Variants in WDR27 observed in about 807,000 individuals in gnomAD.
WDR27 encodes WD repeat domain 27.
In WDR27, 100 loss-of-function variants were observed where a neutral mutation model predicts 114.4. That is an observed-to-expected ratio of 0.87 (90% CI 0.74 to 1.03). The LOEUF is 1.03. Among genes scored for constraint, WDR27 ranks in the 50% least tolerant of loss-of-function variants. WDR27 has a pLI of 0.00. For missense variants in WDR27, 1,129 were observed against 1,092.9 expected, an observed-to-expected ratio of 1.03 and a Z score of -0.47; for synonymous variants, 449 against 423.1, an observed-to-expected ratio of 1.06 and a Z score of -0.75.
At chr6:169,588,260 T>C (rs1400547091) in intron 23 of WDR27, among the ~76,000 whole-genome samples, 1 of 152,220 alleles carries the variant, frequency 6.6e-6, no homozygotes, top group Non-Finnish European at 1.5e-5. Flanking sequence ...GATGATTTCA[T>C]ACAGCATTTC....
chr6:169,510,005 A>C (rs914028641), intron 25 of WDR27, among the ~76,000 whole-genome samples: 4 of 152,268 alleles, frequency 2.6e-5, no homozygotes, highest in Non-Finnish European at 5.9e-5. Context: ...GAAGACATTT[A>C]TGCAGCCAAA....
intron 25 of WDR27, among the ~76,000 whole-genome samples, chr6:169,554,439 A>G: frequency 6.6e-6 from 1 of 152,220 alleles, no homozygotes; most frequent in Non-Finnish European, 1.5e-5. Flanking sequence ...GCTACGATTC[A>G]TGGCCCTGCT....
intron 25 of WDR27, among the ~76,000 whole-genome samples, chr6:169,537,673 A>C (rs886436618): frequency 1.3e-5 from 2 of 152,150 alleles, no homozygotes; most frequent in Non-Finnish European, 2.9e-5. Flanking sequence ...GGTAGAATGA[A>C]CCACCATGGG....
intron 25 of WDR27, among the ~76,000 whole-genome samples, chr6:169,515,368 A>AT (rs1793504833): frequency 6.6e-6 from 1 of 152,236 alleles, no homozygotes; most frequent in Non-Finnish European, 1.5e-5. Flanking sequence ...AAAATTAAAA[A>AT]TAAAATGAAA....
intron 23 of WDR27, among the ~76,000 whole-genome samples, chr6:169,587,942 C>T (rs190038149): frequency 2.0e-5 from 3 of 152,312 alleles, no homozygotes; most frequent in Admixed American, 6.5e-5. Context: ...TCTGTAAAGC[C>T]GTGGCTTTCC....
At chr6:169,649,853 C>T (rs956822724) in intron 14 of WDR27, among the ~76,000 whole-genome samples, 1 of 150,480 alleles carries the variant, frequency 6.6e-6, no homozygotes, top group Middle Eastern at 3.5e-3. Context: ...ATCCATCCCC[C>T]CCATCAATTG....
chr6:169,489,465 C>T (rs757237438), intron 25 of WDR27, among the ~76,000 whole-genome samples: 8 of 152,186 alleles, frequency 5.3e-5, no homozygotes, highest in African/African-American at 1.9e-4. Context: ...CTACAGATTT[C>T]GGAGAACGAA....
downstream of WDR27, among the ~76,000 whole-genome samples, chr6:169,455,045 C>G (rs1360271869): frequency 6.6e-6 from 1 of 152,208 alleles, no homozygotes; most frequent in African/African-American, 2.4e-5. Flanking sequence ...CTGGACTTTC[C>G]TTGAGACCTG....
intron 4 of WDR27, chr6:169,670,287 C>A (rs548829247): frequency 3.8e-6 from 1 of 262,644 alleles, no homozygotes; most frequent in Non-Finnish European, 7.1e-6. Context: ...CAGGGAATAT[C>A]TGAGAAATAA....
intron 25 of WDR27, among the ~76,000 whole-genome samples, chr6:169,477,947 A>T (rs888146110): frequency 1.3e-5 from 2 of 152,238 alleles, no homozygotes; most frequent in Non-Finnish European, 2.9e-5. Flanking sequence ...TATGCAATGG[A>T]ACTTGACTTG....
the WDR27 span, among the ~76,000 whole-genome samples, chr6:169,441,471 C>T: frequency 8.5e-5 from 13 of 152,128 alleles, no homozygotes; most frequent in Non-Finnish European, 2.9e-5. Flanking sequence ...AGGTCACTTG[C>T]CCAGGGACAA....
intron 1 of WDR27, among the ~76,000 whole-genome samples, chr6:169,691,761 T>G (rs1251555884): frequency 6.6e-6 from 1 of 152,228 alleles, no homozygotes; most frequent in Non-Finnish European, 1.5e-5. Context: ...AAACCACTTC[T>G]GTAGACATTA....
intron 13 of WDR27, among the ~76,000 whole-genome samples, chr6:169,654,878 C>T (rs1430659575): frequency 6.6e-6 from 1 of 152,168 alleles, no homozygotes; most frequent in East Asian, 1.9e-4. Flanking sequence ...GAAGCGCGCA[C>T]AGAGGAGTTT....
intron 25 of WDR27, among the ~76,000 whole-genome samples, chr6:169,551,955 CCT>C (rs1200667092): frequency 5.3e-5 from 8 of 152,256 alleles, no homozygotes; most frequent in South Asian, 4.1e-4. Context: ...TCTGCAAACC[CCT>C]GTCTTAGAAG....
At chr6:169,512,789 T>C (rs1193397542) in intron 25 of WDR27, among the ~76,000 whole-genome samples, 3 of 152,212 alleles carry the variant, frequency 2.0e-5, no homozygotes, top group African/African-American at 4.8e-5. Flanking sequence ...GTTTGACGTT[T>C]CAAGAAAGAA....
chr6:169,453,655 CA>C (rs1336162813), downstream of WDR27, among the ~76,000 whole-genome samples: 9 of 152,162 alleles, frequency 5.9e-5, no homozygotes, highest in Non-Finnish European at 1.2e-4. Flanking sequence ...ATGTTAACTT[CA>C]ATTAAAATGT....
chr6:169,456,302 C>T (rs574210240), downstream of WDR27, among the ~76,000 whole-genome samples: 6 of 152,280 alleles, frequency 3.9e-5, no homozygotes, highest in Admixed American at 1.3e-4. The surrounding 1 kb of genome is among the most constrained non-coding windows in gnomAD (Gnocchi z 4.0). Context: ...AGGAAGTCAA[C>T]CCTGTGACAT....
intron 1 of WDR27, among the ~76,000 whole-genome samples, chr6:169,692,363 C>T (rs1295725223): frequency 6.6e-6 from 1 of 152,100 alleles, no homozygotes; most frequent in Non-Finnish European, 1.5e-5. Context: ...GCATGAACTT[C>T]CTTGAGCAGA....
chr6:169,632,289 C>A (rs1018416802), intron 21 of WDR27, among the ~76,000 whole-genome samples: 1 of 151,876 alleles, frequency 6.6e-6, no homozygotes, highest in Admixed American at 6.6e-5. Context: ...CAAAATGATA[C>A]CCTGAATCAT....
Sources: gnomAD v4.1 joint callset for allele counts (sites outside exome capture counted in the v4.1 genomes callset) on GRCh38, gnomAD v4.1.1 for gene constraint, Gnocchi (gnomAD v3.1) non-coding constraint, MANE v1.5 for transcripts, NCBI Gene and HGNC (gene_info 2026-07-23, HGNC 2026-07-21) for gene names.